Variants in SLC24A2 observed in about 807,000 individuals in gnomAD.
The protein encoded by SLC24A2 is solute carrier family 24 member 2.
In SLC24A2, 36 loss-of-function variants were observed where a neutral mutation model predicts 62.0. The ratio of observed to expected loss-of-function variants is 0.58; its 90% CI spans 0.44 to 0.77. SLC24A2 has a LOEUF of 0.77. SLC24A2 is among the 30% of genes least tolerant of loss of function. The pLI, the probability that SLC24A2 is intolerant of heterozygous loss-of-function variation, is 0.00. For missense variants in SLC24A2, 846 were observed against 817.9 expected (o/e 1.03, Z -0.42); for synonymous variants, 358 against 294.0 (o/e 1.22, Z -2.23).
the SLC24A2 span, among the ~76,000 whole-genome samples, chr9:20,081,817 G>T: frequency 7.9e-5 from 12 of 152,200 alleles, 1 homozygote; most frequent in African/African-American, 2.6e-4. Context: ...GGTGGGGATG[G>T]AAAGAGAAAT....
chr9:19,827,538 T>A, the SLC24A2 span, among the ~76,000 whole-genome samples: 3 of 152,088 alleles, frequency 2.0e-5, no homozygotes, highest in African/African-American at 4.8e-5. Flanking sequence ...TTGCCATATT[T>A]CTTTGACTCT....
the SLC24A2 span, chr9:19,929,913 T>C: frequency 6.6e-6 from 1 of 152,140 alleles, no homozygotes; most frequent in Non-Finnish European, 1.5e-5. Flanking sequence ...GCAAAAAATA[T>C]TAAAAATTTT....
chr9:19,788,525 G>C, intron 1 of SLC24A2: 1 of 985,410 alleles, frequency 1.0e-6, no homozygotes, highest in Non-Finnish European at 1.2e-6. Context: ...AAGGACAGAC[G>C]CCCCACCTGT....
chr9:19,756,818 T>C (rs556760728), intron 2 of SLC24A2, among the ~76,000 whole-genome samples: 4 of 151,120 alleles, frequency 2.6e-5, no homozygotes, highest in African/African-American at 9.7e-5. Context: ...AATGCTCAAG[T>C]TTAGGGAAGT....
intron 2 of SLC24A2, among the ~76,000 whole-genome samples, chr9:19,704,271 A>T (rs1463699145): frequency 6.6e-6 from 1 of 152,232 alleles, no homozygotes; most frequent in Admixed American, 6.5e-5. Context: ...GATTAATGAC[A>T]TGGAAAGATA....
the SLC24A2 span, among the ~76,000 whole-genome samples, chr9:19,941,764 G>A: frequency 1.3e-5 from 2 of 152,004 alleles, no homozygotes; most frequent in Admixed American, 6.6e-5. Flanking sequence ...TAAATAACAC[G>A]ATACTGGATT....
chr9:19,594,848 C>T (rs761404051), intron 5 of SLC24A2, among the ~76,000 whole-genome samples: 7 of 152,166 alleles, frequency 4.6e-5, no homozygotes, highest in Non-Finnish European at 1.0e-4. Flanking sequence ...TGGCTTCTAC[C>T]AGATCTGAGG....
At chr9:19,960,977 G>T in the SLC24A2 span, among the ~76,000 whole-genome samples, 1 of 151,424 alleles carries the variant, frequency 6.6e-6, no homozygotes, top group African/African-American at 2.4e-5. Context: ...CCTAGACTAG[G>T]TGACAATATA....
intron 2 of SLC24A2, among the ~76,000 whole-genome samples, chr9:19,775,463 C>T (rs1327339736): frequency 6.6e-6 from 1 of 152,128 alleles, no homozygotes; most frequent in Non-Finnish European, 1.5e-5. Flanking sequence ...TGAGTGTTGG[C>T]CTCAGGATTC....
At position 19,508,746 on chromosome 9, in the gene SLC24A2, A is replaced by C. The variant is rs1832600518; in HGVS notation, c.*7407T>G. The C allele has an allele frequency of 6.6e-6, 1 of 152,016 alleles. No individual in the cohort carries two copies. Among genetic ancestry groups the C allele is most frequent in the Admixed American group, 6.6e-5 (1 of 15,256 alleles). The allele number at this position is 152,016 out of a possible 1,614,324, so 9.4% of individuals were successfully genotyped here. A position where few individuals can be genotyped will look rare whatever the true frequency, so the allele number is the denominator to read the frequency against. ...GTGTTTGAGGCTACACTGAGCTATG[A>C]TTGCACCACTGCACTCTAGCCTGGG... On this transcript the variant is annotated 3_prime_UTR_variant, in exon 11 of 11. Transcript: ENST00000341998.
the SLC24A2 span, among the ~76,000 whole-genome samples, chr9:19,845,466 G>T: frequency 6.6e-6 from 1 of 152,120 alleles, no homozygotes; most frequent in East Asian, 1.9e-4. Flanking sequence ...AGTGAAGAGA[G>T]ATAGTTTGAT....
At chr9:19,523,646 A>G (rs531904882) in intron 9 of SLC24A2, among the ~76,000 whole-genome samples, 1 of 152,116 alleles carries the variant, frequency 6.6e-6, no homozygotes, top group African/African-American at 2.4e-5. Context: ...CATTTTTAGT[A>G]GAGATGGGGT....
chr9:19,894,653 C>T, the SLC24A2 span, among the ~76,000 whole-genome samples: 3 of 152,036 alleles, frequency 2.0e-5, no homozygotes, highest in Non-Finnish European at 4.4e-5. Flanking sequence ...ACTTTCTCAG[C>T]ATATCCTTTT....
the SLC24A2 span, among the ~76,000 whole-genome samples, chr9:20,298,634 A>G: frequency 2.0e-5 from 3 of 152,382 alleles, no homozygotes; most frequent in African/African-American, 4.8e-5. Context: ...CATGTTTCCA[A>G]TGATTTCTAT....
chr9:20,266,343 C>T, the SLC24A2 span, among the ~76,000 whole-genome samples: 29 of 152,268 alleles, frequency 1.9e-4, no homozygotes, highest in South Asian at 6.2e-4. Flanking sequence ...TTTCTCTAAA[C>T]GGCTGATGCT....
At chr9:19,537,109 G>C (rs1834016896) in intron 8 of SLC24A2, among the ~76,000 whole-genome samples, 1 of 151,478 alleles carries the variant, frequency 6.6e-6, no homozygotes, top group African/African-American at 2.4e-5. Flanking sequence ...TTAGCCCTTT[G>C]TGAGATGAGT....
chr9:19,873,488 C>CTTCTCTTTCTTTCT, the SLC24A2 span, among the ~76,000 whole-genome samples: 1 of 122,056 alleles, frequency 8.2e-6, no homozygotes, highest in East Asian at 2.5e-4. Context: ...TCCTTCCTTC[C>CTTCTCTTTCTTTCT]TTCTCTTTCT....
the SLC24A2 span, among the ~76,000 whole-genome samples, chr9:20,198,889 A>G: frequency 1.3e-5 from 2 of 152,192 alleles, no homozygotes; most frequent in Non-Finnish European, 2.9e-5. Flanking sequence ...GTGTATGGGC[A>G]CATTCTTGGA....
the SLC24A2 span, among the ~76,000 whole-genome samples, chr9:20,227,458 G>T: frequency 0.01 from 1,525 of 150,380 alleles, 28 homozygotes; most frequent in African/African-American, 0.034. Flanking sequence ...AAGGTCTCAT[G>T]GAGAACTAAA....
Sources: gnomAD v4.1 joint callset for allele counts (sites outside exome capture counted in the v4.1 genomes callset) on GRCh38, gnomAD v4.1.1 for gene constraint, MANE v1.5 for transcripts, NCBI Gene and HGNC (gene_info 2026-07-23, HGNC 2026-07-21) for gene names.